Variants in BRCA1 observed in about 807,000 individuals in gnomAD.
BRCA1 encodes the protein breast cancer type 1 susceptibility protein.
Under a neutral mutation model 173.7 loss-of-function variants are expected in BRCA1, and 140 were observed. The ratio of observed to expected loss-of-function variants is 0.81; its 90% CI spans 0.70 to 0.93. The LOEUF is 0.93. BRCA1 is among the 40% of genes least tolerant of loss of function. BRCA1 has a pLI of 0.00. For synonymous variants in BRCA1, 662 were observed against 756.0 expected (o/e 0.88, Z 2.04); for missense variants, 1,983 against 2,172.5 (o/e 0.91, Z 1.73).
At chr17:43,124,775 T>C (rs1164765910) in intron 1 of BRCA1, 11 of 231,216 alleles carry the variant, frequency 4.8e-5, no homozygotes, top group Non-Finnish European at 8.7e-5. Context: ...TTGTTTTGTT[T>C]TGAGACAGTC....
intron 2 of BRCA1, among the ~76,000 whole-genome samples, chr17:43,123,539 G>T (rs2055688499): frequency 6.6e-6 from 1 of 151,878 alleles, no homozygotes; most frequent in Non-Finnish European, 1.5e-5. Context: ...TAGTGGAGAG[G>T]GGGTTTCACC....
At chr17:43,103,827 C>T (rs1468186211) in intron 6 of BRCA1, among the ~76,000 whole-genome samples, 1 of 151,976 alleles carries the variant, frequency 6.6e-6, no homozygotes, top group Non-Finnish European at 1.5e-5. Flanking sequence ...GTTTTACCGG[C>T]CGGGCACAGT....
rs587781771 is a variant in BRCA1 at position 43,092,852 on chromosome 17, C to A, written c.2679G>T (p.Lys893Asn). 1 of 1,613,896 alleles carries A rather than the reference C, an allele frequency of 6.2e-7. No homozygotes were observed. Among genetic ancestry groups the A allele is most frequent in the Non-Finnish European group, 8.5e-7 (1 of 1,179,960 alleles). The stretch of plus-strand genomic sequence containing the variant: ...CAAAAGTGACTTTTGGACTTTGTTT[C>A]TTTAAGGACCCAGAGTGGGCAGAGA... Reference protein sequence around the residue: ...ATFSAHSGSLKKQSPKVTFEC... With the variant: ...ATFSAHSGSLNKQSPKVTFEC... The change falls in exon 10 of 23, where the codon AAG becomes AAT. Residue 893 changes from lysine to asparagine, a missense_variant. Physicochemically the swap from Lys to Asn is moderately conservative, Grantham distance 94. Coordinates refer to ENST00000357654, the MANE Select transcript of BRCA1 (RefSeq NM_007294.4).
chr17:43,145,043 G>A, intron 1 of BRCA1: 3 of 792,304 alleles, frequency 3.8e-6, no homozygotes, highest in South Asian at 2.7e-5. Context: ...TAAACCTCCT[G>A]CAAAAGTGGA....
chr17:43,079,645 G>T, intron 12 of BRCA1: 1 of 866,488 alleles, frequency 1.2e-6, no homozygotes, highest in Non-Finnish European at 2.0e-6. Flanking sequence ...ATCAGAAAAA[G>T]AAAGAAGCCA....
intron 18 of BRCA1, among the ~76,000 whole-genome samples, chr17:43,060,861 C>T (rs1365670257): frequency 6.6e-6 from 1 of 152,096 alleles, no homozygotes; most frequent in Non-Finnish European, 1.5e-5. Flanking sequence ...CACAGTGGCT[C>T]ACACCTGTGA....
intron 1 of BRCA1, among the ~76,000 whole-genome samples, chr17:43,148,053 A>G (rs930676550): frequency 1.3e-5 from 2 of 152,156 alleles, no homozygotes; most frequent in Non-Finnish European, 2.9e-5. Context: ...GTAAGTAACT[A>G]TTTTTCCTGT....
intron 1 of BRCA1, chr17:43,169,923 G>A (rs2056313235): frequency 4.4e-6 from 2 of 451,876 alleles, no homozygotes; most frequent in South Asian, 1.7e-5. Context: ...GTTGACGTTG[G>A]CCAGGACCTT....
intron 1 of BRCA1, among the ~76,000 whole-genome samples, chr17:43,147,039 T>C (rs893772101): frequency 6.6e-6 from 1 of 152,124 alleles, no homozygotes; most frequent in African/African-American, 2.4e-5. Flanking sequence ...AGTTTCACTC[T>C]TGTTGCCCAG....
chr17:43,169,408 C>T (rs1424158541), intron 1 of BRCA1, among the ~76,000 whole-genome samples: 9 of 152,176 alleles, frequency 5.9e-5, no homozygotes, highest in Admixed American at 6.5e-5. Flanking sequence ...ACCTCGTGAT[C>T]CATCCGCCTT....
intron 1 of BRCA1, among the ~76,000 whole-genome samples, chr17:43,137,378 TAACA>T (rs1489004188): frequency 4.6e-5 from 7 of 151,102 alleles, no homozygotes; most frequent in Non-Finnish European, 8.8e-5. Flanking sequence ...TATACCTATG[TAACA>T]AACCTGCACG....
rs760098710 is a variant in BRCA1, at chr17:43,090,905, CCA to C, written c.4185+37_4185+38del. On this transcript the variant is annotated intron_variant, in intron 11 of 22. Coordinates refer to ENST00000357654, the MANE Select transcript of BRCA1 (RefSeq NM_007294.4). ...TACATACTACTGAATGCAAAGGACA[CCA>C]CACACACGCATGTGCACACACACAC... 251 of 1,549,540 alleles carry C rather than the reference CCA, an allele frequency of 1.6e-4. No individual in the cohort carries two copies. The highest frequency in any genetic ancestry group is 2.1e-4 in the Non-Finnish European group (240 of 1,133,776).
At chr17:43,150,214 A>G (rs2056152070) in intron 1 of BRCA1, among the ~76,000 whole-genome samples, 1 of 152,074 alleles carries the variant, frequency 6.6e-6, no homozygotes, top group Non-Finnish European at 1.5e-5. Context: ...GGCTCAAGCA[A>G]TCCTCCCACC....
At chr17:43,149,406 T>G (rs1423593831) in intron 1 of BRCA1, among the ~76,000 whole-genome samples, 1 of 152,008 alleles carries the variant, frequency 6.6e-6, no homozygotes, top group Non-Finnish European at 1.5e-5. Flanking sequence ...AGCCAATTTT[T>G]GTATTTTTAG....
At position 43,067,708 on chromosome 17, in the gene BRCA1, C is replaced by A. The variant is rs1414317416; in HGVS notation, c.4987-13G>T. The A allele has an allele frequency of 1.3e-6, 2 of 1,595,734 alleles. No homozygotes were observed. The highest frequency in any genetic ancestry group is 1.3e-5 in the African/African-American group (1 of 74,428). On this transcript the variant is annotated splice_polypyrimidine_tract_variant and intron_variant, in intron 15 of 22. Transcript: ENST00000357654. The stretch of plus-strand genomic sequence containing the variant: ...TGTACACGAGCATCTGAAATTAAAT[C>A]AAATATTCCATTATCATGAGTTACC...
In BRCA1 at chr17:43,092,564, A is replaced by T. The variant is rs876659270; in HGVS notation, c.2967T>A (p.Phe989Leu). 1 of 1,614,118 alleles carries T rather than the reference A, an allele frequency of 6.2e-7. No homozygotes were observed. ...GATTTTTCTTACATTTAGTTTTAAC[A>T]AATGACTTGATGGGAAAAAGTGGTG... ...RIPPLFPIKS[F>L]VKTKCKKNLL... The change falls in exon 10 of 23, where the codon TTT (phenylalanine) becomes TTA (leucine). Residue 989 changes from phenylalanine to leucine, a missense_variant. Physicochemically the swap from Phe to Leu is conservative, Grantham distance 22. Coordinates refer to ENST00000357654, the MANE Select transcript of BRCA1 (RefSeq NM_007294.4).
chr17:43,050,284 T>A (rs949274423), intron 20 of BRCA1: 1 of 391,112 alleles, frequency 2.6e-6, no homozygotes, highest in Non-Finnish European at 4.5e-6. Context: ...AAGCATAACA[T>A]TGTATTAAGT....
At chr17:43,088,606 AT>A (rs1383875675) in intron 11 of BRCA1, among the ~76,000 whole-genome samples, 1 of 152,232 alleles carries the variant, frequency 6.6e-6, no homozygotes, top group Non-Finnish European at 1.5e-5. Flanking sequence ...TTATAAGAAT[AT>A]CAGGCTTTTC....
chr17:43,145,457 G>T lies in BRCA1; in HGVS notation c.-19-21342C>A, dbSNP rs145356525. ...TTCTCCTGTCTCAGCCTCCCGTGTAGCTGGGACTACAGGCGCCCACCATCA... is the reference window on the plus strand; with the variant it reads ...TTCTCCTGTCTCAGCCTCCCGTGTATCTGGGACTACAGGCGCCCACCATCA... On this transcript the variant is annotated intron_variant, in intron 1 of 7. Transcript: ENST00000634433. 1.4e-3 allele frequency among the ~76,000 whole-genome samples: 207 copies of T among 151,854 alleles called. 1 individual carries two copies. Among genetic ancestry groups the T allele is most frequent in the African/African-American group, 4.5e-3 (186 of 41,410 alleles).
Sources: gnomAD v4.1 joint callset for allele counts (sites outside exome capture counted in the v4.1 genomes callset) on GRCh38, gnomAD v4.1.1 for gene constraint, MANE v1.5 for transcripts, NCBI Gene and HGNC (gene_info 2026-07-23, HGNC 2026-07-21) for gene names.